Variants in FRMD5 observed in about 807,000 individuals in gnomAD.
FRMD5 encodes FERM domain-containing protein 5.
Under a neutral mutation model 69.0 loss-of-function variants are expected in FRMD5, and 20 were observed. That is an observed-to-expected ratio of 0.29 (90% CI 0.20 to 0.42). The LOEUF is 0.42. FRMD5 is among the 10% of genes least tolerant of loss of function. The pLI is 1.00. For synonymous variants in FRMD5, 271 were observed against 260.1 expected (o/e 1.04, Z -0.40); for missense variants, 595 against 708.6 (o/e 0.84, Z 1.82).
At chr15:44,049,225 C>G (rs941764292) in intron 1 of FRMD5, among the ~76,000 whole-genome samples, 5 of 152,214 alleles carry the variant, frequency 3.3e-5, no homozygotes, top group African/African-American at 1.2e-4. Flanking sequence ...AACCAGACCT[C>G]TAACCAGAGT....
chr15:44,023,754 T>C (rs903030997), intron 1 of FRMD5, among the ~76,000 whole-genome samples: 9 of 152,218 alleles, frequency 5.9e-5, no homozygotes, highest in African/African-American at 2.2e-4. Context: ...TGAATGTCAC[T>C]TTTTACTATA....
At chr15:44,147,107 T>C (rs1280963698) in intron 1 of FRMD5, among the ~76,000 whole-genome samples, 3 of 152,138 alleles carry the variant, frequency 2.0e-5, no homozygotes. Flanking sequence ...TCTTCTAGGG[T>C]TTTTATAGTT....
chr15:44,021,248 T>C (rs1355577235), intron 1 of FRMD5, among the ~76,000 whole-genome samples: 1 of 152,208 alleles, frequency 6.6e-6, no homozygotes, highest in Non-Finnish European at 1.5e-5. Context: ...ATTGCAACAC[T>C]GCACACCAGC....
chr15:44,087,036 T>G (rs559263238), intron 1 of FRMD5, among the ~76,000 whole-genome samples: 1 of 152,228 alleles, frequency 6.6e-6, no homozygotes, highest in Non-Finnish European at 1.5e-5. Flanking sequence ...CTTACCAGTG[T>G]TTTTTTGTTT....
At chr15:43,902,527 C>T (rs942835016) in intron 6 of FRMD5, among the ~76,000 whole-genome samples, 5 of 151,824 alleles carry the variant, frequency 3.3e-5, no homozygotes, top group Non-Finnish European at 5.9e-5. Flanking sequence ...GTGGCAGCAC[C>T]ATCTTAACTC....
At chr15:44,050,527 C>T (rs1468897347) in intron 1 of FRMD5, among the ~76,000 whole-genome samples, 2 of 114,160 alleles carry the variant, frequency 1.8e-5, no homozygotes, top group Non-Finnish European at 3.5e-5. Flanking sequence ...TGCCTGGCTC[C>T]CTTTTTTTTT....
intron 1 of FRMD5, among the ~76,000 whole-genome samples, chr15:44,192,649 T>C (rs1371480791): frequency 6.6e-6 from 1 of 152,206 alleles, no homozygotes; most frequent in Non-Finnish European, 1.5e-5. Context: ...AAAAGCTCAA[T>C]TTCTAAATGT....
At chr15:44,193,989 G>C (rs1432798491) in intron 1 of FRMD5, among the ~76,000 whole-genome samples, 1 of 152,212 alleles carries the variant, frequency 6.6e-6, no homozygotes, top group Non-Finnish European at 1.5e-5. Flanking sequence ...TCTCCACAAA[G>C]AGCAGCTTCC....
At chr15:44,027,694 G>A (rs529846846) in intron 1 of FRMD5, among the ~76,000 whole-genome samples, 8 of 138,510 alleles carry the variant, frequency 5.8e-5, no homozygotes, top group East Asian at 4.4e-4. Context: ...TCTGTTGCCC[G>A]GGCTGGAGTG....
chr15:43,888,499 A>G (rs2088716882), intron 9 of FRMD5, among the ~76,000 whole-genome samples: 2 of 152,184 alleles, frequency 1.3e-5, no homozygotes, highest in South Asian at 4.1e-4. Flanking sequence ...GAACCAGGAG[A>G]GCTCTTGGTG....
chr15:43,969,579 T>C (rs948690673), intron 1 of FRMD5, among the ~76,000 whole-genome samples: 1 of 152,212 alleles, frequency 6.6e-6, no homozygotes, highest in African/African-American at 2.4e-5. Flanking sequence ...TTGGTGGAAT[T>C]TCTATATATA....
intron 1 of FRMD5, among the ~76,000 whole-genome samples, chr15:43,926,991 G>A (rs1328356454): frequency 6.6e-6 from 1 of 150,612 alleles, no homozygotes; most frequent in African/African-American, 2.5e-5. Flanking sequence ...CTGCAGTTAT[G>A]AGAAATCTCT....
At chr15:44,088,228 A>G (rs1293088275) in intron 1 of FRMD5, among the ~76,000 whole-genome samples, 1 of 152,204 alleles carries the variant, frequency 6.6e-6, no homozygotes, top group Non-Finnish European at 1.5e-5. Flanking sequence ...TTATGCAACC[A>G]TCATCACAAT....
In FRMD5 at chr15:44,191,938, A is replaced by ATATC. The variant is rs2078203726; in HGVS notation, c.102+3014_102+3015insGATA. Among the ~76,000 whole-genome samples the ATATC allele has an allele frequency of 7.2e-4, 90 of 125,854 alleles. 1 individual carries two copies. Among genetic ancestry groups the ATATC allele is most frequent in the Middle Eastern group, 4.5e-3 (1 of 224 alleles). 82.6% of individuals were successfully genotyped at this position (125,854 alleles called of 152,430 possible). A position where few individuals can be genotyped will look rare whatever the true frequency, so the allele number is the denominator to read the frequency against. ...ATATATATATTATATATATATATAT[A>ATATC]TATGTATCTCCATAAATGAAACAGA... On this transcript the variant is annotated intron_variant, in intron 1 of 13. Coordinates refer to ENST00000417257, the MANE Select transcript of FRMD5 (RefSeq NM_032892.5).
chr15:43,963,728 T>TA (rs1304679273), intron 1 of FRMD5, among the ~76,000 whole-genome samples: 1 of 152,156 alleles, frequency 6.6e-6, no homozygotes, highest in African/African-American at 2.4e-5. Flanking sequence ...TATGCAGCCA[T>TA]AAAAATGATG....
In FRMD5 at chr15:44,120,399, C is replaced by A. The variant is rs141785618; in HGVS notation, c.102+74554G>T. On this transcript the variant is annotated intron_variant, in intron 1 of 13. Transcript: ENST00000417257. ...TTTAAGACAGATTTCAAAGATAGAACCGACAAAACATGATAAGAGATTCAT... is the reference window on the plus strand; with the variant it reads ...TTTAAGACAGATTTCAAAGATAGAAACGACAAAACATGATAAGAGATTCAT... Among the ~76,000 whole-genome samples, 349 of 152,106 alleles carry A rather than the reference C, an allele frequency of 2.3e-3. 8 individuals are homozygous for A. The East Asian group carries it at 0.058, about 25-fold the overall frequency.
intron 1 of FRMD5, among the ~76,000 whole-genome samples, chr15:44,164,516 C>T (rs1352807201): frequency 1.3e-5 from 2 of 152,260 alleles, no homozygotes; most frequent in Admixed American, 6.5e-5. Flanking sequence ...AGCCTATTCA[C>T]TAGCAAGATA....
chr15:44,021,898 A>G (rs1416724250), intron 1 of FRMD5, among the ~76,000 whole-genome samples: 3 of 152,244 alleles, frequency 2.0e-5, no homozygotes, highest in Non-Finnish European at 4.4e-5. Flanking sequence ...CAACCCAAAT[A>G]TCCATCAACA....
At chr15:44,015,264 T>A (rs974990028) in intron 1 of FRMD5, among the ~76,000 whole-genome samples, 30 of 151,892 alleles carry the variant, frequency 2.0e-4, no homozygotes, top group Non-Finnish European at 4.4e-4. Context: ...GCTTCTTGAG[T>A]AGCTAGGACT....
Sources: allele counts gnomAD v4.1 joint callset (sites outside exome capture counted in the v4.1 genomes callset), GRCh38; gene constraint gnomAD v4.1.1; transcripts MANE v1.5; gene names NCBI Gene and HGNC (gene_info 2026-07-23, HGNC 2026-07-21).